PCGF6: variants seen among roughly 807,000 people sequenced by gnomAD.
PCGF6 encodes the protein polycomb group RING finger protein 6.
A neutral mutation model predicts 45.5 loss-of-function variants in PCGF6; 24 were observed. That is an observed-to-expected ratio of 0.53 (90% CI 0.38 to 0.74). The LOEUF is 0.74. Among genes scored for constraint, PCGF6 ranks in the 30% least tolerant of loss-of-function variants. PCGF6 has a pLI of 0.00. For missense variants in PCGF6, 356 were observed against 443.2 expected (o/e 0.80, Z 1.77); for synonymous variants, 152 against 162.1 (o/e 0.94, Z 0.47).
chr10:103,331,869 T>C (rs2093241234), intron 7 of PCGF6, among the ~76,000 whole-genome samples: 1 of 152,240 alleles, frequency 6.6e-6, no homozygotes, highest in Non-Finnish European at 1.5e-5. Flanking sequence ...CTTGGCTCAC[T>C]GCAAGCTCCG....
intron 9 of PCGF6, among the ~76,000 whole-genome samples, chr10:103,312,893 G>A (rs1592056115): frequency 1.3e-5 from 2 of 151,976 alleles, no homozygotes; most frequent in Middle Eastern, 6.8e-3. Context: ...CCCGGGAGGC[G>A]GAGCTTGCAG....
In PCGF6 at chr10:103,309,740, G is replaced by A. The variant is rs557675659; in HGVS notation, c.996+4446C>T. Among the ~76,000 whole-genome samples the A allele has an allele frequency of 2.0e-5, 3 of 151,904 alleles. No homozygotes were observed. In the South Asian group the frequency reaches 6.3e-4, roughly 32 times the overall value. ...ATCTCAGGAGTTCAAAACCAGCCTGGGCAACATGGCAAAACCCCATCTCTA... is the reference window on the plus strand; with the variant it reads ...ATCTCAGGAGTTCAAAACCAGCCTGAGCAACATGGCAAAACCCCATCTCTA... On this transcript the variant is annotated intron_variant, in intron 9 of 9. Coordinates refer to ENST00000369847, the MANE Select transcript of PCGF6 (RefSeq NM_001011663.2).
intron 9 of PCGF6, among the ~76,000 whole-genome samples, chr10:103,306,672 G>C (rs1592052262): frequency 6.6e-6 from 1 of 152,274 alleles, no homozygotes; most frequent in East Asian, 1.9e-4. Context: ...CAGAATTCTA[G>C]AAAAAGGTTC....
At chr10:103,337,213 C>T (rs1006599532) in intron 6 of PCGF6, among the ~76,000 whole-genome samples, 4 of 152,116 alleles carry the variant, frequency 2.6e-5, no homozygotes, top group Non-Finnish European at 4.4e-5. Flanking sequence ...ATACTACTCT[C>T]GGGTTTACTA....
chr10:103,303,161 C>T lies in PCGF6; in HGVS notation c.*744G>A, dbSNP rs946275000. ...TTTTTTATTACTTTCAGAAGCAATA[C>T]TATTGCAAGGTATCAACAACCACAC... is the stretch of plus-strand genomic sequence containing the variant. On this transcript the variant is annotated 3_prime_UTR_variant, in exon 10 of 10. Coordinates refer to ENST00000369847, the MANE Select transcript of PCGF6 (RefSeq NM_001011663.2). 1 of 152,620 alleles carries T rather than the reference C, an allele frequency of 6.6e-6. No individual in the cohort carries two copies. Among genetic ancestry groups the T allele is most frequent in the Non-Finnish European group, 1.5e-5 (1 of 68,036 alleles). The allele number at this position is 152,620 out of a possible 1,614,324, so 9.5% of individuals were successfully genotyped here.
chr10:103,335,774 G>A (rs1321961659), intron 6 of PCGF6, among the ~76,000 whole-genome samples: 2 of 151,668 alleles, frequency 1.3e-5, no homozygotes, highest in Admixed American at 6.6e-5. Flanking sequence ...AAGAGCAGCC[G>A]GGCCAACATA....
intron 9 of PCGF6, among the ~76,000 whole-genome samples, chr10:103,308,167 A>G (rs1222601858): frequency 6.6e-6 from 1 of 152,122 alleles, no homozygotes; most frequent in African/African-American, 2.4e-5. Context: ...GGAACTGCCC[A>G]GTGGTGCTGT....
At chr10:103,309,572 TC>T (rs1479762862) in intron 9 of PCGF6, among the ~76,000 whole-genome samples, 1 of 152,154 alleles carries the variant, frequency 6.6e-6, no homozygotes, top group Non-Finnish European at 1.5e-5. Flanking sequence ...CTCAGGTATT[TC>T]TTTATAGCAA....
At chr10:103,315,353 TTG>T (rs929445308) in intron 8 of PCGF6, among the ~76,000 whole-genome samples, 3 of 151,798 alleles carry the variant, frequency 2.0e-5, no homozygotes, top group African/African-American at 7.3e-5. Flanking sequence ...ATCTGGCAAA[TTG>T]TGTGTTTTTT....
chr10:103,337,099 A>G (rs540896742), intron 6 of PCGF6, among the ~76,000 whole-genome samples: 22 of 152,204 alleles, frequency 1.4e-4, no homozygotes, highest in African/African-American at 5.3e-4. Flanking sequence ...GTATTTTCAA[A>G]CTTTTACCAT....
intron 8 of PCGF6, among the ~76,000 whole-genome samples, chr10:103,315,967 T>C (rs1407492751): frequency 7.4e-6 from 1 of 135,016 alleles, no homozygotes; most frequent in African/African-American, 3.0e-5. Flanking sequence ...CAACAGCTTA[T>C]ATGTGTGTGT....
intron 8 of PCGF6, among the ~76,000 whole-genome samples, chr10:103,322,448 C>A (rs943130326): frequency 1.5e-4 from 23 of 151,980 alleles, no homozygotes; most frequent in African/African-American, 5.6e-4. Flanking sequence ...TCAAGCTATC[C>A]ATCCACTTTG....
intron 6 of PCGF6, among the ~76,000 whole-genome samples, chr10:103,335,287 C>T (rs1353030371): frequency 1.3e-5 from 2 of 151,592 alleles, no homozygotes; most frequent in South Asian, 2.1e-4. Flanking sequence ...CTCCTGGCCT[C>T]AAGCCATCCT....
intron 6 of PCGF6, among the ~76,000 whole-genome samples, chr10:103,343,840 A>AAAAAAAAAAG (rs2093289933): frequency 1.3e-5 from 2 of 150,022 alleles, no homozygotes; most frequent in Admixed American, 6.7e-5. Context: ...CTCAAAAAAA[A>AAAAAAAAAAG]AAAAAAAAAA....
In PCGF6 at chr10:103,345,165, G is replaced by A. The variant is rs755123174; in HGVS notation, c.674-33C>T. On this transcript the variant is annotated intron_variant, in intron 5 of 9. Transcript: ENST00000369847. ...ATAGTCAAACAAAAATGTTAATTAAGAATAAAAATGCCATAAATTGAGATC... is the reference window on the plus strand; with the variant it reads ...ATAGTCAAACAAAAATGTTAATTAAAAATAAAAATGCCATAAATTGAGATC... The A allele has an allele frequency of 2.8e-6, 4 of 1,408,058 alleles. No individual in the cohort carries two copies. The South Asian group carries it at 4.9e-5, about 17-fold the overall frequency. The allele number at this position is 1,408,058 out of a possible 1,614,324, so 87.2% of individuals were successfully genotyped here.
rs1310548239 is a variant in PCGF6, at chr10:103,350,776, C to CT, written c.290dup (p.Glu98GlyfsTer27). ...ACGAGAAGTGACTCATGTCCTCCTC[C>CT]TCCTCCTCTTCTTCCTCCTCCAGCT... On this transcript the variant is annotated frameshift_variant, in exon 1 of 10. Transcript: ENST00000369847. LOFTEE classifies it high-confidence loss of function. 6.4e-7 allele frequency: 1 copy of CT among 1,566,176 alleles called. No homozygotes were observed. Among genetic ancestry groups the CT allele is most frequent in the Admixed American group, 1.9e-5 (1 of 52,204 alleles).
At chr10:103,309,352 T>A (rs1053206974) in intron 9 of PCGF6, among the ~76,000 whole-genome samples, 21 of 152,188 alleles carry the variant, frequency 1.4e-4, no homozygotes, top group Non-Finnish European at 2.5e-4. Flanking sequence ...TAGCACAATT[T>A]CCCTTTGGTA....
intron 9 of PCGF6, among the ~76,000 whole-genome samples, chr10:103,310,277 G>A (rs957085166): frequency 6.7e-6 from 1 of 149,902 alleles, no homozygotes; most frequent in Non-Finnish European, 1.5e-5. Flanking sequence ...AAAAAAAAAA[G>A]AAAGAAAGAA....
intron 9 of PCGF6, among the ~76,000 whole-genome samples, chr10:103,310,443 G>A (rs139523191): frequency 6.6e-6 from 1 of 152,014 alleles, no homozygotes; most frequent in African/African-American, 2.4e-5. Context: ...ATAGGTATTT[G>A]TTGAAACTCA....
Sources: allele counts gnomAD v4.1 joint callset (sites outside exome capture counted in the v4.1 genomes callset), GRCh38; gene constraint gnomAD v4.1.1; transcripts MANE v1.5; gene names NCBI Gene and HGNC (gene_info 2026-07-23, HGNC 2026-07-21).